CHD6: variants seen among roughly 807,000 people sequenced by gnomAD.
The protein encoded by CHD6 is ATP-dependent chromatin remodeler CHD6.
In CHD6, 50 loss-of-function variants were observed where a neutral mutation model predicts 276.9. The observed-to-expected ratio is 0.18, with a 90% CI of 0.14 to 0.23. CHD6 has a LOEUF of 0.23. CHD6 is among the 10% of genes least tolerant of loss of function. CHD6 has a pLI of 1.00. For synonymous variants in CHD6, 1,173 were observed against 1,229.3 expected (o/e 0.95, Z 0.96); for missense variants, 2,564 against 3,365.8 (o/e 0.76, Z 5.89).
In CHD6 at chr20:41,555,130, C is replaced by G. The variant is rs561200009; in HGVS notation, c.-23-3770G>C. Among the ~76,000 whole-genome samples the G allele has an allele frequency of 1.4e-3, 192 of 134,986 alleles. 2 individuals carry two copies. The highest frequency in any genetic ancestry group is 4.8e-3 in the African/African-American group (168 of 35,242). The allele number at this position is 134,986 out of a possible 152,430, so 88.6% of individuals were successfully genotyped here. Reference sequence around the variant, plus strand: ...GGGCTGACCCCCCCACCTCCCTCCCCGACGGGGCGGCTGGCCGGGCAGAGG... The same window carrying G: ...GGGCTGACCCCCCCACCTCCCTCCCGGACGGGGCGGCTGGCCGGGCAGAGG... On this transcript the variant is annotated intron_variant, in intron 1 of 36. Transcript: ENST00000373233.
intron 1 of CHD6, among the ~76,000 whole-genome samples, chr20:41,609,242 G>A (rs1310746057): frequency 3.9e-5 from 6 of 152,158 alleles, no homozygotes; most frequent in African/African-American, 1.4e-4. Context: ...GAGCCCATGA[G>A]TCTAGCCTGG....
intron 28 of CHD6, 65 bp from the exon 29 acceptor site, chr20:41,425,459 GGTTTT>G: frequency 1.4e-6 from 2 of 1,452,806 alleles, no homozygotes; most frequent in South Asian, 2.5e-5. Flanking sequence ...ACTGTCTTTT[GGTTTT>G]GTTTAAATAA....
At chr20:41,534,068 T>A (rs775322248) in intron 2 of CHD6, among the ~76,000 whole-genome samples, 1 of 152,168 alleles carries the variant, frequency 6.6e-6, no homozygotes, top group African/African-American at 2.4e-5. Context: ...TAAGAAAACA[T>A]CCCTTTGGGT....
At position 41,551,292 on chromosome 20, in the gene CHD6, A is replaced by G. The variant is rs1491002764; in HGVS notation, c.33+13T>C. The stretch of plus-strand genomic sequence containing the variant: ...CCCGGATGCATTCACTTAAAAGAAA[A>G]GTGATCACTTACCTGCTTCTCTTTT... On this transcript the variant is annotated intron_variant, in intron 2 of 36. Transcript: ENST00000373233. 3 of 1,471,486 alleles carry G rather than the reference A, an allele frequency of 2.0e-6. No homozygotes were observed. Among genetic ancestry groups the G allele is most frequent in the Non-Finnish European group, 2.8e-6 (3 of 1,059,756 alleles). The allele number at this position is 1,471,486 out of a possible 1,614,324, so 91.2% of individuals were successfully genotyped here.
In CHD6 at chr20:41,532,861, C is replaced by A. The variant is rs548070679; in HGVS notation, c.554+189G>T. Among the ~76,000 whole-genome samples the A allele has an allele frequency of 3.3e-5, 5 of 152,368 alleles. No individual in the cohort carries two copies. In the East Asian group the frequency reaches 5.8e-4, roughly 18 times the overall value. On this transcript the variant is annotated intron_variant, in intron 3 of 36. Transcript: ENST00000373233. ...TAGAAATGCAATGAGAAAACAGCAA[C>A]CTCCAAGGACAGCCCCTTGCATTAG...
intron 1 of CHD6, among the ~76,000 whole-genome samples, chr20:41,613,801 A>G (rs898634692): frequency 4.6e-5 from 7 of 152,172 alleles, no homozygotes; most frequent in South Asian, 2.1e-4. Flanking sequence ...AAAACAATGG[A>G]TTGTCCGCCT....
At chr20:41,534,022 CAAAT>C (rs1337381614) in intron 2 of CHD6, among the ~76,000 whole-genome samples, 2 of 152,174 alleles carry the variant, frequency 1.3e-5, no homozygotes, top group Non-Finnish European at 2.9e-5. Context: ...TGAGCACCAA[CAAAT>C]AAAAGTACAG....
At chr20:41,481,072 T>C (rs2043284105) in intron 16 of CHD6, among the ~76,000 whole-genome samples, 1 of 151,876 alleles carries the variant, frequency 6.6e-6, no homozygotes, top group Admixed American at 6.6e-5. Context: ...GCCACTGTAC[T>C]TCATCTTAGG....
At chr20:41,414,955 C>T (rs1372936203) in intron 34 of CHD6, 2 of 1,377,426 alleles carry the variant, frequency 1.5e-6, no homozygotes, top group African/African-American at 1.5e-5. Flanking sequence ...TTTGAAATGG[C>T]AAGACCTCCT....
intron 27 of CHD6, among the ~76,000 whole-genome samples, chr20:41,429,356 C>T (rs1600837409): frequency 6.6e-6 from 1 of 152,312 alleles, no homozygotes; most frequent in East Asian, 1.9e-4. Context: ...CTGCACGTGA[C>T]ATCTGTAATG....
At chr20:41,451,226 C>T (rs2048230841) in intron 22 of CHD6, 121 bp from the exon 23 acceptor site, 2 of 803,300 alleles carry the variant, frequency 2.5e-6, no homozygotes, top group Admixed American at 2.4e-5. Flanking sequence ...GATGGCAGAC[C>T]CTACTCCTTA....
At position 41,403,573 on chromosome 20, in the gene CHD6, A is replaced by G; in HGVS notation, c.*1020T>C. On this transcript the variant is annotated 3_prime_UTR_variant, in exon 37 of 37. Transcript: ENST00000373233. ...TATTATAAAGGGTGGCACACATTTG[A>G]CAGCCTCAGACACTCTTGATCAAAG... is the stretch of plus-strand genomic sequence containing the variant. The G allele has an allele frequency of 9.4e-7, 1 of 1,063,506 alleles. No homozygotes were observed. Among genetic ancestry groups the G allele is most frequent in the Non-Finnish European group, 1.1e-6 (1 of 878,126 alleles). The allele number at this position is 1,063,506 out of a possible 1,614,324, so 65.9% of individuals were successfully genotyped here. A position where few individuals can be genotyped will look rare whatever the true frequency, so the allele number is the denominator to read the frequency against.
Position 41,440,106 on chromosome 20 carries a change from G to T in CHD6, c.3901C>A (p.Arg1301=). ...KHGYERYNAM[R]ADPALCFLEK... ...AGGAAGCAAAGTGCTGGGTCTGCTC[G>T]CATGGCATTGTACCTTTCATAACCT... is the stretch of plus-strand genomic sequence containing the variant. The change falls in exon 26 of 37, where the codon CGA becomes AGA. Residue 1301 remains arginine, a synonymous_variant. Transcript: ENST00000373233. 1 of 1,613,972 alleles carries T rather than the reference G, an allele frequency of 6.2e-7. No individual in the cohort carries two copies. The highest frequency in any genetic ancestry group is 8.5e-7 in the Non-Finnish European group (1 of 1,179,870).
At chr20:41,488,767 C>T (rs554686458) in intron 12 of CHD6, among the ~76,000 whole-genome samples, 163 bp from the exon 13 acceptor site, 2 of 152,316 alleles carry the variant, frequency 1.3e-5, no homozygotes, top group South Asian at 4.1e-4. Context: ...AATTAACGAG[C>T]TAGTTAGCCA....
At chr20:41,512,757 A>G in intron 5 of CHD6, 89 bp downstream of exon 5, 1 of 1,463,128 alleles carries the variant, frequency 6.8e-7, no homozygotes, top group Non-Finnish European at 9.5e-7. Flanking sequence ...GATCTGACTT[A>G]TGCTTTAGCA....
chr20:41,465,281 A>C (rs1226160295), intron 17 of CHD6, among the ~76,000 whole-genome samples: 1 of 152,236 alleles, frequency 6.6e-6, no homozygotes, highest in East Asian at 1.9e-4. Context: ...TTAACCAAGT[A>C]ATCAAAGTTA....
chr20:41,432,883 A>C (rs2047589105), intron 27 of CHD6, among the ~76,000 whole-genome samples: 1 of 152,234 alleles, frequency 6.6e-6, no homozygotes, highest in Admixed American at 6.5e-5. Flanking sequence ...AAGTTTCAGC[A>C]AAGAAACAAA....
chr20:41,483,972 A>C (rs771849055), intron 15 of CHD6, among the ~76,000 whole-genome samples: 1 of 152,236 alleles, frequency 6.6e-6, no homozygotes, highest in East Asian at 1.9e-4. Context: ...AGAGAGTTTT[A>C]ATCTCATTGC....
intron 27 of CHD6, among the ~76,000 whole-genome samples, chr20:41,429,773 T>C (rs562728237): frequency 4.6e-5 from 7 of 152,232 alleles, no homozygotes; most frequent in South Asian, 2.1e-4. Flanking sequence ...AACAATAAAA[T>C]AGACTTCTTT....
Sources: gnomAD v4.1 joint callset for allele counts (sites outside exome capture counted in the v4.1 genomes callset) on GRCh38, gnomAD v4.1.1 for gene constraint, MANE v1.5 for transcripts, NCBI Gene and HGNC (gene_info 2026-07-23, HGNC 2026-07-21) for gene names.